PLA2G5: variants seen among roughly 807,000 people sequenced by gnomAD.
The protein encoded by PLA2G5 is Ca2+-dependent phospholipase A2.
Under a neutral mutation model 15.9 loss-of-function variants are expected in PLA2G5, and 12 were observed. The observed-to-expected ratio is 0.76, with a 90% confidence interval of 0.48 to 1.23. PLA2G5 has a LOEUF of 1.23. Ranked by LOEUF, PLA2G5 falls within the 50% of genes most tolerant of loss-of-function variation. The probability of loss-of-function intolerance (pLI) is 0.00; values close to 1 mark genes in which losing one functional copy is unlikely to be tolerated. For synonymous variants in PLA2G5, 71 were observed against 71.4 expected, an observed-to-expected ratio of 0.99 and a Z score of 0.03; for missense variants, 169 against 177.1, an observed-to-expected ratio of 0.95 and a Z score of 0.26.
intron 1 of PLA2G5, among the ~76,000 whole-genome samples, chr1:20,080,714 T>A (rs905712766): frequency 6.6e-6 from 1 of 151,544 alleles, no homozygotes; most frequent in Non-Finnish European, 1.5e-5. Context: ...CATGCAGGGG[T>A]GTGGGAGGTG....
chr1:20,046,901 T>C (rs1569670473), intron 1 of PLA2G5, among the ~76,000 whole-genome samples: 1 of 152,308 alleles, frequency 6.6e-6, no homozygotes, highest in East Asian at 1.9e-4. Flanking sequence ...CTCTATTTAC[T>C]TTTTCTCCCA....
intron 1 of PLA2G5, among the ~76,000 whole-genome samples, chr1:20,059,120 C>CA (rs34667227): frequency 0.46 from 37,886 of 82,878 alleles, 7,915 homozygotes; most frequent in Non-Finnish European, 0.52. Context: ...GAGACTGTCT[C>CA]AAAAAAAAAA....
At chr1:20,090,459 C>A in intron 4 of PLA2G5, 109 bp from the exon 5 acceptor site, 1 of 1,073,530 alleles carries the variant, frequency 9.3e-7, no homozygotes, top group Non-Finnish European at 1.4e-6. Flanking sequence ...AGGAGCCATG[C>A]CTCTTCCATC....
chr1:20,051,498 C>G (rs1465711427), intron 1 of PLA2G5, among the ~76,000 whole-genome samples: 2 of 152,150 alleles, frequency 1.3e-5, no homozygotes, highest in Non-Finnish European at 2.9e-5. Context: ...CTATTAACAG[C>G]TTTTAACAAT....
At chr1:20,086,418 G>A (rs371045205) in intron 3 of PLA2G5, among the ~76,000 whole-genome samples, 191 bp downstream of exon 3, 18 of 152,306 alleles carry the variant, frequency 1.2e-4, no homozygotes, top group African/African-American at 2.4e-4. Flanking sequence ...CAACTGTGGC[G>A]TAACAAGTGG....
At position 20,086,226 on chromosome 1, in the gene PLA2G5, T is replaced by G; in HGVS notation, c.184T>G (p.Trp62Gly). The change falls in exon 3 of 5, where the codon TGG (tryptophan) becomes GGG (glycine). Residue 62 changes from tryptophan to glycine, a missense_variant and splice_region_variant. Trp to Gly is a radical substitution (Grantham distance 184). Coordinates refer to ENST00000375108, the MANE Select transcript of PLA2G5 (RefSeq NM_000929.3). ...AGGAACCCCCAAGGATGGCACCGAT[T>G]GGTGAGCTGATCGCTATAACTGCCC... ...GRGTPKDGTD[W>G]CCWAHDHCYG... 1 of 1,614,150 alleles carries G rather than the reference T, an allele frequency of 6.2e-7. No individual in the cohort carries two copies. Among genetic ancestry groups the G allele is most frequent in the Non-Finnish European group, 8.5e-7 (1 of 1,179,972 alleles).
chr1:20,048,956 T>C (rs187266938), intron 1 of PLA2G5, among the ~76,000 whole-genome samples: 230 of 152,326 alleles, frequency 1.5e-3, no homozygotes, highest in Middle Eastern at 6.8e-3. Flanking sequence ...AGACATTCTT[T>C]CTAAAAAAGT....
chr1:20,066,280 T>C (rs2015022548), upstream of PLA2G5, among the ~76,000 whole-genome samples: 1 of 152,236 alleles, frequency 6.6e-6, no homozygotes, highest in Non-Finnish European at 1.5e-5. Context: ...CATTTTCTTA[T>C]TTTTGAGTTT....
At chr1:20,079,419 T>C (rs1487458512) in intron 1 of PLA2G5, among the ~76,000 whole-genome samples, 1 of 152,168 alleles carries the variant, frequency 6.6e-6, no homozygotes, top group Non-Finnish European at 1.5e-5. Context: ...ACCCAGGACT[T>C]GGAGCTGATA....
At chr1:20,079,443 G>A (rs763811558) in intron 1 of PLA2G5, among the ~76,000 whole-genome samples, 7 of 152,200 alleles carry the variant, frequency 4.6e-5, no homozygotes, top group Non-Finnish European at 8.8e-5. Context: ...AGCCTGTGAT[G>A]TTACCCACTG....
chr1:20,038,591 A>T (rs2013408757), intron 1 of PLA2G5, among the ~76,000 whole-genome samples: 1 of 152,158 alleles, frequency 6.6e-6, no homozygotes, highest in Non-Finnish European at 1.5e-5. Flanking sequence ...GGAGTTTGAG[A>T]TAACAACATA....
intron 1 of PLA2G5, among the ~76,000 whole-genome samples, chr1:20,031,468 A>T (rs977118522): frequency 6.6e-6 from 1 of 152,192 alleles, no homozygotes. Context: ...CTCCTGGATT[A>T]GTGTAGGAAA....
intron 1 of PLA2G5, among the ~76,000 whole-genome samples, chr1:20,033,416 G>T (rs1209861651): frequency 6.6e-6 from 1 of 152,154 alleles, no homozygotes; most frequent in African/African-American, 2.4e-5. Flanking sequence ...GTGACTAGAG[G>T]GTTACCTATG....
intron 1 of PLA2G5, among the ~76,000 whole-genome samples, chr1:20,078,550 C>T (rs1447828212): frequency 1.3e-5 from 2 of 152,136 alleles, no homozygotes; most frequent in African/African-American, 2.4e-5. Flanking sequence ...CGATCTGTTT[C>T]CCACCAGCCA....
chr1:20,078,775 G>A (rs1280848294), intron 1 of PLA2G5, among the ~76,000 whole-genome samples: 1 of 152,068 alleles, frequency 6.6e-6, no homozygotes, highest in Admixed American at 6.5e-5. Flanking sequence ...GAGAGGGAGA[G>A]AAAAAGAAGT....
At chr1:20,069,542 G>A (rs997723557), upstream of PLA2G5, among the ~76,000 whole-genome samples, 14 of 152,074 alleles carry the variant, frequency 9.2e-5, 1 homozygote, top group Non-Finnish European at 1.0e-4. Flanking sequence ...GCATGGGGTG[G>A]CATGTGCCTG....
intron 1 of PLA2G5, among the ~76,000 whole-genome samples, chr1:20,071,199 C>T (rs1050971304): frequency 6.6e-6 from 1 of 152,276 alleles, no homozygotes; most frequent in Admixed American, 6.5e-5. Flanking sequence ...CATAGGGTCA[C>T]CCTAGGGATA....
At chr1:20,051,072 G>A (rs535140326) in intron 1 of PLA2G5, among the ~76,000 whole-genome samples, 1 of 152,192 alleles carries the variant, frequency 6.6e-6, no homozygotes, top group South Asian at 2.1e-4. Context: ...TAGTAATTAT[G>A]TTATGTTAAT....
chr1:20,067,694 A>C (rs1019218121), upstream of PLA2G5, among the ~76,000 whole-genome samples: 3 of 151,872 alleles, frequency 2.0e-5, no homozygotes, highest in Non-Finnish European at 2.9e-5. Flanking sequence ...TCTCAAACAA[A>C]AAAAAAAATT....
Sources: gnomAD v4.1 joint callset for allele counts (sites outside exome capture counted in the v4.1 genomes callset) on GRCh38, gnomAD v4.1.1 for gene constraint, MANE v1.5 for transcripts, NCBI Gene and HGNC (gene_info 2026-07-23, HGNC 2026-07-21) for gene names.